Variants in ARFGEF3 observed in about 807,000 individuals in gnomAD.
ARFGEF3 encodes ARFGEF family member 3.
Under a neutral mutation model 221.7 loss-of-function variants are expected in ARFGEF3, and 96 were observed. That is an observed-to-expected ratio of 0.43 (90% CI 0.37 to 0.51). The LOEUF (loss-of-function observed/expected upper bound fraction) is 0.51. Among genes scored for constraint, ARFGEF3 ranks in the 20% least tolerant of loss-of-function variants. The pLI is 0.00. For missense variants in ARFGEF3, 2,410 were observed against 2,789.9 expected (o/e 0.86, Z 3.07); for synonymous variants, 1,145 against 1,126.8 (o/e 1.02, Z -0.32).
At position 138,285,979 on chromosome 6, in the gene ARFGEF3, G is replaced by C; in HGVS notation, c.2495G>C (p.Gly832Ala). The C allele has an allele frequency of 6.2e-7, 1 of 1,611,650 alleles. No homozygotes were observed. Among genetic ancestry groups the C allele is most frequent in the Non-Finnish European group, 8.5e-7 (1 of 1,179,610 alleles). The change falls in exon 15 of 34, where the codon GGC becomes GCC. Residue 832 changes from glycine (G) to alanine (A), a missense_variant. Gly to Ala is a moderately conservative substitution (Grantham distance 60). Transcript: ENST00000251691. ...GGCTTAGAGAGCAGTGCCATTGGTG[G>C]CCAGCTGATGGCCTCGGCTGCTACA... The part of the protein sequence containing the change: ...IDGLESSAIG[G>A]QLMASAATES...
intron 3 of ARFGEF3, 102 bp from the exon 4 acceptor site, chr6:138,209,808 C>A: frequency 7.0e-7 from 1 of 1,432,590 alleles, no homozygotes. Context: ...AGCTACACGC[C>A]TCCCCAGTAA....
chr6:138,254,107 T>C (rs1778630285), intron 9 of ARFGEF3, 123 bp downstream of exon 9: 2 of 608,708 alleles, frequency 3.3e-6, no homozygotes, highest in Non-Finnish European at 2.7e-6. Context: ...TGTGCGTAAA[T>C]GTCTTAGAGG....
intron 12 of ARFGEF3, among the ~76,000 whole-genome samples, chr6:138,265,107 G>T (rs1191018700): frequency 6.6e-6 from 1 of 152,144 alleles, no homozygotes; most frequent in African/African-American, 2.4e-5. Context: ...GTTTCGCTGT[G>T]TTAGCCAGGA....
At chr6:138,333,892 G>A (rs75063112) in intron 32 of ARFGEF3, 78 bp from the exon 33 acceptor site, 20 of 1,457,306 alleles carry the variant, frequency 1.4e-5, no homozygotes, top group Admixed American at 4.6e-5. Context: ...GTTCTGAAAC[G>A]GGTAACGTCT....
At chr6:138,289,773 T>C (rs1779365167) in intron 17 of ARFGEF3, 45 bp from the exon 18 acceptor site, 1 of 1,578,380 alleles carries the variant, frequency 6.3e-7, no homozygotes, top group Non-Finnish European at 8.6e-7. Flanking sequence ...TCTTTCTGTC[T>C]CCCTTACTCA....
chr6:138,217,914 C>A (rs930180516), intron 4 of ARFGEF3: 8 of 1,504,896 alleles, frequency 5.3e-6, no homozygotes, highest in Non-Finnish European at 7.1e-6. Flanking sequence ...TGGGCTTAAA[C>A]AGTCATTGGT....
At chr6:138,280,509 T>C (rs1562377942) in intron 14 of ARFGEF3, among the ~76,000 whole-genome samples, 1 of 152,210 alleles carries the variant, frequency 6.6e-6, no homozygotes, top group Non-Finnish European at 1.5e-5. Flanking sequence ...GCCCATATCA[T>C]TCAGTGTTCT....
chr6:138,319,934 G>A lies in ARFGEF3; in HGVS notation c.4651+55G>A, dbSNP rs113143599. On this transcript the variant is annotated intron_variant, in intron 28 of 33. Coordinates refer to ENST00000251691, the MANE Select transcript of ARFGEF3 (RefSeq NM_020340.5). ...GGGTATTTCTTTGGTAGACAGCACC[G>A]TCAGCTAAAACGGTGTAGTAAATAC... 263 of 1,498,760 alleles carry A rather than the reference G, an allele frequency of 1.8e-4. 2 individuals carry two copies. The African/African-American group carries it at 2.4e-3, about 14-fold the overall frequency. 92.8% of individuals were successfully genotyped at this position (1,498,760 alleles called of 1,614,324 possible). A position where few individuals can be genotyped will look rare whatever the true frequency, so the allele number is the denominator to read the frequency against.
intron 8 of ARFGEF3, among the ~76,000 whole-genome samples, chr6:138,246,846 G>A (rs567586196): frequency 1.3e-5 from 2 of 152,254 alleles, no homozygotes; most frequent in South Asian, 4.2e-4. Flanking sequence ...GCTTACAGCT[G>A]CTCTTGCCAC....
chr6:138,336,217 C>T, intron 33 of ARFGEF3, 78 bp from the exon 34 acceptor site: 2 of 1,141,734 alleles, frequency 1.8e-6, no homozygotes, highest in Non-Finnish European at 2.4e-6. Flanking sequence ...ACCATTTCCA[C>T]ATTGGCAGGG....
chr6:138,187,442 G>C (rs1415779860), intron 2 of ARFGEF3, among the ~76,000 whole-genome samples: 2 of 152,154 alleles, frequency 1.3e-5, no homozygotes, highest in East Asian at 3.9e-4. Context: ...GAGCAGTGAG[G>C]CTCCTTGCTC....
intron 4 of ARFGEF3, among the ~76,000 whole-genome samples, chr6:138,224,581 T>C (rs1327545189): frequency 6.6e-6 from 1 of 152,212 alleles, no homozygotes; most frequent in East Asian, 1.9e-4. Context: ...ACTGAAACTG[T>C]GAGGCTGACC....
chr6:138,301,705 A>G (rs1397359594), intron 22 of ARFGEF3, among the ~76,000 whole-genome samples: 2 of 152,198 alleles, frequency 1.3e-5, no homozygotes, highest in Non-Finnish European at 2.9e-5. Flanking sequence ...ATCTCATCAG[A>G]AAATAAAAGG....
At chr6:138,301,708 A>G (rs1027704542) in intron 22 of ARFGEF3, among the ~76,000 whole-genome samples, 3 of 152,188 alleles carry the variant, frequency 2.0e-5, no homozygotes, top group Non-Finnish European at 4.4e-5. Flanking sequence ...TCATCAGAAA[A>G]TAAAAGGGAG....
intron 2 of ARFGEF3, among the ~76,000 whole-genome samples, chr6:138,195,207 T>C (rs1777391690): frequency 6.6e-6 from 1 of 151,962 alleles, no homozygotes; most frequent in African/African-American, 2.4e-5. Flanking sequence ...TCTCACCATG[T>C]TGACCAGGCT....
chr6:138,257,377 C>G (rs991656404), intron 10 of ARFGEF3, among the ~76,000 whole-genome samples: 1 of 152,154 alleles, frequency 6.6e-6, no homozygotes, highest in Non-Finnish European at 1.5e-5. Flanking sequence ...AGCTCCTTAT[C>G]CTAAATTCAC....
At position 138,336,942 on chromosome 6, in the gene ARFGEF3, A is replaced by AATT. The variant is rs1267221410; in HGVS notation, c.*457_*459dup. On this transcript the variant is annotated 3_prime_UTR_variant, in exon 34 of 34. Coordinates refer to ENST00000251691, the MANE Select transcript of ARFGEF3 (RefSeq NM_020340.5). Reference sequence around the variant, plus strand: ...CAGACATCTAGTACCAGGGATTATTAATTGGAGGAAGATTTATGGTTATGG... The same window carrying AATT: ...CAGACATCTAGTACCAGGGATTATTAATTATTGGAGGAAGATTTATGGTTATGG... 1.3e-5 allele frequency: 2 copies of AATT among 152,586 alleles called. No individual in the cohort carries two copies. Among genetic ancestry groups the AATT allele is most frequent in the Non-Finnish European group, 2.9e-5 (2 of 68,118 alleles). 9.5% of individuals were successfully genotyped at this position (152,586 alleles called of 1,614,324 possible). A position where few individuals can be genotyped will look rare whatever the true frequency, so the allele number is the denominator to read the frequency against.
At chr6:138,312,440 T>TC (rs1779846419) in intron 25 of ARFGEF3, among the ~76,000 whole-genome samples, 1 of 152,010 alleles carries the variant, frequency 6.6e-6, no homozygotes, top group African/African-American at 2.4e-5. Flanking sequence ...TCCAGCTGCC[T>TC]CCCCCAGGCC....
intron 29 of ARFGEF3, among the ~76,000 whole-genome samples, chr6:138,322,989 G>A (rs1031425309): frequency 6.6e-6 from 1 of 151,366 alleles, no homozygotes; most frequent in Non-Finnish European, 1.5e-5. Flanking sequence ...CATGGGGGAG[G>A]TGGGGACTTT....
Sources: allele counts gnomAD v4.1 joint callset (sites outside exome capture counted in the v4.1 genomes callset), GRCh38; gene constraint gnomAD v4.1.1; transcripts MANE v1.5; gene names NCBI Gene and HGNC (gene_info 2026-07-23, HGNC 2026-07-21).